MYZAP: variants seen among roughly 807,000 people sequenced by gnomAD.
The protein encoded by MYZAP is GRINL1A complex locus upstream.
MYZAP carries 66 observed loss-of-function variants against 69.4 expected under a neutral mutation model. The ratio of observed to expected loss-of-function variants is 0.95; its 90% confidence interval spans 0.78 to 1.17. The LOEUF (loss-of-function observed/expected upper bound fraction) is 1.17. Among genes scored for constraint, MYZAP ranks in the 50% most tolerant of loss-of-function variants. The pLI is 0.00. For synonymous variants in MYZAP, 256 were observed against 205.9 expected, an observed-to-expected ratio of 1.24 and a Z score of -2.09; for missense variants, 611 against 556.2, an observed-to-expected ratio of 1.10 and a Z score of -0.99.
chr15:57,676,123 C>T (rs1255568283), intron 12 of MYZAP, among the ~76,000 whole-genome samples: 2 of 152,128 alleles, frequency 1.3e-5, no homozygotes, highest in African/African-American at 4.8e-5. Flanking sequence ...GCCTCGGTTT[C>T]TCAACTTCTA....
chr15:57,623,227 A>G (rs2035926054), intron 4 of MYZAP, among the ~76,000 whole-genome samples: 1 of 152,242 alleles, frequency 6.6e-6, no homozygotes, highest in South Asian at 2.1e-4. Flanking sequence ...AGGGTTGCTG[A>G]TGAAAATGCA....
intron 12 of MYZAP, among the ~76,000 whole-genome samples, chr15:57,676,025 G>A (rs1380538142): frequency 6.6e-6 from 1 of 151,954 alleles, no homozygotes; most frequent in African/African-American, 2.4e-5. Flanking sequence ...AAGTAGTGAC[G>A]AGCCGATCAC....
At chr15:57,668,466 C>T (rs147888008) in intron 11 of MYZAP, among the ~76,000 whole-genome samples, 2 of 152,244 alleles carry the variant, frequency 1.3e-5, no homozygotes, top group Non-Finnish European at 2.9e-5. Flanking sequence ...TAAATTTAGC[C>T]ATTCAGTGTT....
chr15:57,650,458 G>C (rs2037673036), intron 10 of MYZAP, among the ~76,000 whole-genome samples: 1 of 152,192 alleles, frequency 6.6e-6, no homozygotes, highest in South Asian at 2.1e-4. Flanking sequence ...GAATGTCATA[G>C]GTGCTGGAAA....
intron 8 of MYZAP, among the ~76,000 whole-genome samples, chr15:57,634,664 C>CA (rs1393154766): frequency 6.6e-6 from 1 of 152,160 alleles, no homozygotes; most frequent in Non-Finnish European, 1.5e-5. Context: ...GAGGTGTCGC[C>CA]ACTATGGGAA....
At chr15:57,684,293 TTA>T in intron 12 of MYZAP, 107 bp from the exon 13 acceptor site, 1 of 727,912 alleles carries the variant, frequency 1.4e-6, no homozygotes, top group South Asian at 1.6e-5. Context: ...TATTGTCTTT[TTA>T]TTTTTAAACA....
At chr15:57,676,071 C>A (rs1242178908) in intron 12 of MYZAP, among the ~76,000 whole-genome samples, 3 of 152,070 alleles carry the variant, frequency 2.0e-5, no homozygotes, top group Non-Finnish European at 4.4e-5. Flanking sequence ...TCTTGTCCTA[C>A]CAGCCAGCAG....
chr15:57,653,138 T>C (rs2037811119), intron 10 of MYZAP, among the ~76,000 whole-genome samples: 1 of 152,192 alleles, frequency 6.6e-6, no homozygotes, highest in Non-Finnish European at 1.5e-5. Flanking sequence ...GTGTATTTAT[T>C]AACCTGTGGT....
chr15:57,610,585 A>G (rs975540231), intron 2 of MYZAP, among the ~76,000 whole-genome samples: 1 of 152,214 alleles, frequency 6.6e-6, no homozygotes, highest in Non-Finnish European at 1.5e-5. Flanking sequence ...CAGTCAGGTC[A>G]TCTCTAGGGG....
intron 10 of MYZAP, among the ~76,000 whole-genome samples, chr15:57,652,156 G>A (rs1481356505): frequency 6.6e-6 from 1 of 152,104 alleles, no homozygotes; most frequent in East Asian, 1.9e-4. Flanking sequence ...GATGAAAAAT[G>A]TACCTTTTTC....
chr15:57,664,348 A>G (rs542097834), intron 11 of MYZAP, among the ~76,000 whole-genome samples: 1 of 152,298 alleles, frequency 6.6e-6, no homozygotes, highest in Admixed American at 6.5e-5. Context: ...ATTCTTTATC[A>G]ATATTTCATC....
intron 2 of MYZAP, among the ~76,000 whole-genome samples, chr15:57,616,558 C>G (rs1359194786): frequency 6.6e-6 from 1 of 152,128 alleles, no homozygotes; most frequent in African/African-American, 2.4e-5. Flanking sequence ...ATTGGTTGAA[C>G]CCAGGAGGCG....
At chr15:57,657,934 G>A (rs2038085997) in intron 10 of MYZAP, among the ~76,000 whole-genome samples, 1 of 152,114 alleles carries the variant, frequency 6.6e-6, no homozygotes, top group Non-Finnish European at 1.5e-5. Flanking sequence ...ATAGTTTTGG[G>A]CAAATTTAAT....
chr15:57,651,686 C>G (rs1382111575), intron 10 of MYZAP, among the ~76,000 whole-genome samples: 1 of 152,042 alleles, frequency 6.6e-6, no homozygotes, highest in African/African-American at 2.4e-5. Flanking sequence ...AAAGTCTTGG[C>G]ACCTCAGTTT....
At chr15:57,673,444 G>C (rs79125667) in intron 11 of MYZAP, among the ~76,000 whole-genome samples, 1 of 150,974 alleles carries the variant, frequency 6.6e-6, no homozygotes, top group East Asian at 2.0e-4. Flanking sequence ...CTGTCTGCAC[G>C]TGTGCGCATG....
intron 11 of MYZAP, among the ~76,000 whole-genome samples, chr15:57,664,002 G>A (rs569105861): frequency 6.6e-6 from 1 of 150,866 alleles, no homozygotes; most frequent in Admixed American, 6.6e-5. Flanking sequence ...AATACATTTA[G>A]ACTTAAACCT....
chr15:57,602,194 G>T (rs1489277221), intron 1 of MYZAP, among the ~76,000 whole-genome samples: 1 of 152,106 alleles, frequency 6.6e-6, no homozygotes, highest in Non-Finnish European at 1.5e-5. Context: ...CTGGGACGGG[G>T]GTGGAGAGGA....
At chr15:57,649,561 T>A (rs1402854492) in intron 10 of MYZAP, among the ~76,000 whole-genome samples, 2 of 152,248 alleles carry the variant, frequency 1.3e-5, no homozygotes, top group Non-Finnish European at 2.9e-5. Flanking sequence ...TTTTTCTTTT[T>A]TCCAGCTGAC....
At chr15:57,656,125 A>G (rs1464155234) in intron 10 of MYZAP, among the ~76,000 whole-genome samples, 8 of 152,208 alleles carry the variant, frequency 5.3e-5, no homozygotes, top group Non-Finnish European at 1.0e-4. Flanking sequence ...CATACCAGCT[A>G]TATGGTAACC....
Sources: gnomAD v4.1 joint callset for allele counts (sites outside exome capture counted in the v4.1 genomes callset) on GRCh38, gnomAD v4.1.1 for gene constraint, MANE v1.5 for transcripts, NCBI Gene and HGNC (gene_info 2026-07-23, HGNC 2026-07-21) for gene names.